The following ENTREP2 variants were observed in gnomAD, a reference collection of about 807,000 sequenced individuals.
The protein encoded by ENTREP2 is protein ENTREP2.
chr15:29,334,410 CTTT>C, the ENTREP2 span, among the ~76,000 whole-genome samples: 16 of 89,250 alleles, frequency 1.8e-4, no homozygotes, highest in South Asian at 6.7e-3. Flanking sequence ...GCAAGCAGGG[CTTT>C]CAAGGCAGTT....
At chr15:29,317,831 A>T in the ENTREP2 span, among the ~76,000 whole-genome samples, 800 of 152,258 alleles carry the variant, frequency 5.3e-3, 12 homozygotes, top group African/African-American at 0.018. Context: ...TGGGATGAAG[A>T]GAAGAATTCT....
chr15:29,216,525 G>A, the ENTREP2 span, among the ~76,000 whole-genome samples: 1 of 152,102 alleles, frequency 6.6e-6, no homozygotes, highest in Non-Finnish European at 1.5e-5. Flanking sequence ...TAGCAAGGCT[G>A]GGGAAAATTT....
chr15:29,552,686 G>T, the ENTREP2 span, among the ~76,000 whole-genome samples: 2 of 152,140 alleles, frequency 1.3e-5, no homozygotes, highest in East Asian at 1.9e-4. Context: ...GCAGATGAGA[G>T]AAATTATTAT....
chr15:29,642,453 C>T, the ENTREP2 span, among the ~76,000 whole-genome samples: 1 of 145,782 alleles, frequency 6.9e-6, no homozygotes, highest in Non-Finnish European at 1.5e-5. Context: ...TATATATATA[C>T]ACACACACAT....
the ENTREP2 span, chr15:29,196,523 C>T: frequency 6.4e-7 from 1 of 1,551,672 alleles, no homozygotes; most frequent in Non-Finnish European, 8.7e-7. Flanking sequence ...ACTGGTGCTG[C>T]AGCTCACAGC....
At chr15:29,439,123 G>A in the ENTREP2 span, among the ~76,000 whole-genome samples, 2 of 152,120 alleles carry the variant, frequency 1.3e-5, no homozygotes, top group African/African-American at 2.4e-5. Flanking sequence ...TAGCACCCTG[G>A]TTTTCTAATA....
the ENTREP2 span, among the ~76,000 whole-genome samples, chr15:29,150,247 T>G: frequency 1.3e-5 from 2 of 152,178 alleles, no homozygotes; most frequent in African/African-American, 4.8e-5. Context: ...GCGCCTGGCT[T>G]GAGAAGCACG....
At chr15:29,566,217 T>C in the ENTREP2 span, among the ~76,000 whole-genome samples, 1 of 151,780 alleles carries the variant, frequency 6.6e-6, no homozygotes, top group South Asian at 2.1e-4. Flanking sequence ...TGGAGTGCAG[T>C]GGCGCGATCT....
At chr15:29,123,057 C>T in the ENTREP2 span, 4 of 413,312 alleles carry the variant, frequency 9.7e-6, no homozygotes, top group Non-Finnish European at 1.7e-5. Context: ...AGGTGCTGCA[C>T]GCCAGATAAA....
chr15:29,373,223 G>T, the ENTREP2 span, among the ~76,000 whole-genome samples: 1 of 152,024 alleles, frequency 6.6e-6, no homozygotes, highest in Non-Finnish European at 1.5e-5. Flanking sequence ...CCCCTCCAAG[G>T]AGGGACAGTG....
chr15:29,308,496 C>T, the ENTREP2 span, among the ~76,000 whole-genome samples: 4 of 152,184 alleles, frequency 2.6e-5, no homozygotes, highest in Non-Finnish European at 4.4e-5. Flanking sequence ...CTGTCCTGGG[C>T]GCCGAGTGGA....
chr15:29,146,862 G>C, the ENTREP2 span, among the ~76,000 whole-genome samples: 1 of 151,368 alleles, frequency 6.6e-6, no homozygotes, highest in African/African-American at 2.4e-5. Flanking sequence ...TTGAACCTGG[G>C]AGGCAGAGGT....
the ENTREP2 span, among the ~76,000 whole-genome samples, chr15:29,448,249 C>T: frequency 2.6e-5 from 4 of 152,152 alleles, no homozygotes; most frequent in Admixed American, 6.5e-5. Flanking sequence ...AACAGCACCT[C>T]GGGGAGGGAG....
chr15:29,320,792 G>A, the ENTREP2 span, among the ~76,000 whole-genome samples: 1 of 152,150 alleles, frequency 6.6e-6, no homozygotes, highest in Non-Finnish European at 1.5e-5. Flanking sequence ...AAGAAACAGT[G>A]AGCTTGAAGA....
the ENTREP2 span, among the ~76,000 whole-genome samples, chr15:29,335,744 G>A: frequency 6.6e-6 from 1 of 152,196 alleles, no homozygotes; most frequent in African/African-American, 2.4e-5. Flanking sequence ...CAGAACCTGA[G>A]AGCTGGCTCT....
At chr15:29,237,387 G>C in the ENTREP2 span, among the ~76,000 whole-genome samples, 1 of 152,214 alleles carries the variant, frequency 6.6e-6, no homozygotes, top group Non-Finnish European at 1.5e-5. Flanking sequence ...TTGGAGTCAA[G>C]TCTCAGAATT....
At chr15:29,534,870 T>C in the ENTREP2 span, among the ~76,000 whole-genome samples, 3 of 152,234 alleles carry the variant, frequency 2.0e-5, no homozygotes, top group South Asian at 2.1e-4. Flanking sequence ...TGTAGACTGA[T>C]GGACTGATAA....
the ENTREP2 span, chr15:29,267,853 T>C: frequency 6.6e-6 from 1 of 152,218 alleles, no homozygotes; most frequent in Admixed American, 6.5e-5. Flanking sequence ...AACATCTGCA[T>C]ACAAACTAAG....
At chr15:29,605,945 C>A in the ENTREP2 span, among the ~76,000 whole-genome samples, 1 of 152,102 alleles carries the variant, frequency 6.6e-6, no homozygotes, top group Non-Finnish European at 1.5e-5. Context: ...CTTTGCCAGC[C>A]ACCCCAGAAG....
Sources: gnomAD v4.1 joint callset for allele counts (sites outside exome capture counted in the v4.1 genomes callset) on GRCh38, gnomAD v4.1.1 for gene constraint, MANE v1.5 for transcripts, NCBI Gene and HGNC (gene_info 2026-07-23, HGNC 2026-07-21) for gene names.